NRXN1: variants seen among roughly 807,000 people sequenced by gnomAD.
NRXN1 encodes neurexin-1.
Under a neutral mutation model 150.9 loss-of-function variants are expected in NRXN1, and 39 were observed. That is an observed-to-expected ratio of 0.26 (90% CI 0.20 to 0.34). NRXN1 has a LOEUF of 0.34. NRXN1 is among the 10% of genes least tolerant of loss of function. NRXN1 has a pLI of 1.00. For missense variants in NRXN1, 1,815 were observed against 1,949.9 expected (o/e 0.93, Z 1.30); for synonymous variants, 924 against 757.0 (o/e 1.22, Z -3.62).
chr2:50,140,337 T>C (rs190414959), intron 18 of NRXN1, among the ~76,000 whole-genome samples: 140 of 152,274 alleles, frequency 9.2e-4, no homozygotes, highest in Non-Finnish European at 1.6e-3. Context: ...ATTTTCATTT[T>C]TCAGAACCTG....
chr2:50,672,961 C>G (rs1689065708), intron 5 of NRXN1, among the ~76,000 whole-genome samples: 1 of 152,026 alleles, frequency 6.6e-6, no homozygotes, highest in Non-Finnish European at 1.5e-5. Flanking sequence ...ATTCAACCAT[C>G]ATTTTGTTCT....
intron 5 of NRXN1, among the ~76,000 whole-genome samples, chr2:50,877,449 T>C (rs1478692065): frequency 6.6e-6 from 1 of 151,920 alleles, no homozygotes; most frequent in Non-Finnish European, 1.5e-5. Context: ...GCTCAAACAC[T>C]GAACTTTTTC....
intron 5 of NRXN1, among the ~76,000 whole-genome samples, chr2:50,789,099 A>G (rs558628228): frequency 6.6e-6 from 1 of 152,332 alleles, no homozygotes; most frequent in African/African-American, 2.4e-5. Context: ...AATTTCATAT[A>G]TTCCAGAATG....
chr2:50,473,498 G>C (rs1340073171), intron 15 of NRXN1, among the ~76,000 whole-genome samples: 1 of 151,922 alleles, frequency 6.6e-6, no homozygotes. Context: ...CATAAGGAAG[G>C]TGAGCTCAAA....
intron 17 of NRXN1, among the ~76,000 whole-genome samples, chr2:50,449,737 T>C (rs938238593): frequency 1.3e-5 from 2 of 152,224 alleles, no homozygotes; most frequent in African/African-American, 4.8e-5. Flanking sequence ...CATAATGATC[T>C]GTACATGTCA....
chr2:50,753,684 T>C (rs939680553), intron 5 of NRXN1, among the ~76,000 whole-genome samples: 2 of 151,898 alleles, frequency 1.3e-5, no homozygotes, highest in Non-Finnish European at 2.9e-5. Flanking sequence ...AGAAAATAAA[T>C]ACCAGAAAAG....
At chr2:50,955,596 AGT>A in intron 2 of NRXN1, among the ~76,000 whole-genome samples, 1 of 152,224 alleles carries the variant, frequency 6.6e-6, no homozygotes, top group African/African-American at 2.4e-5. Context: ...ACAGCAGAAC[AGT>A]GCCATTTTTA....
At chr2:50,189,274 C>G (rs1047309975) in intron 18 of NRXN1, among the ~76,000 whole-genome samples, 1 of 152,014 alleles carries the variant, frequency 6.6e-6, no homozygotes, top group Non-Finnish European at 1.5e-5. Flanking sequence ...GGACAGAAAA[C>G]CAAACACTCC....
At chr2:51,022,225 G>A (rs1669723720) in intron 2 of NRXN1, among the ~76,000 whole-genome samples, 1 of 152,102 alleles carries the variant, frequency 6.6e-6, no homozygotes, top group Admixed American at 6.6e-5. Context: ...TGCTTACTAT[G>A]TGCCAGGCAC....
chr2:50,172,150 C>T (rs570142375), intron 18 of NRXN1, among the ~76,000 whole-genome samples: 2 of 152,232 alleles, frequency 1.3e-5, no homozygotes, highest in South Asian at 4.1e-4. Context: ...ACAGCGCCTT[C>T]TGAAATATTG....
At chr2:50,780,880 A>C (rs1704267464) in intron 5 of NRXN1, among the ~76,000 whole-genome samples, 1 of 152,030 alleles carries the variant, frequency 6.6e-6, no homozygotes, top group Non-Finnish European at 1.5e-5. Context: ...CTCTTAATTA[A>C]TTGTAACCTC....
At chr2:50,842,415 T>C (rs141208335) in intron 5 of NRXN1, among the ~76,000 whole-genome samples, 19 of 152,296 alleles carry the variant, frequency 1.2e-4, no homozygotes, top group Admixed American at 7.8e-4. Flanking sequence ...TTACACATTG[T>C]ACAGCATTGA....
At chr2:50,694,472 C>A (rs1002470227) in intron 5 of NRXN1, among the ~76,000 whole-genome samples, 5 of 152,152 alleles carry the variant, frequency 3.3e-5, no homozygotes, top group Non-Finnish European at 5.9e-5. Context: ...TGGAATCTGT[C>A]CCTCTTTGTG....
chr2:50,913,339 T>C, intron 5 of NRXN1, among the ~76,000 whole-genome samples: 1 of 151,750 alleles, frequency 6.6e-6, no homozygotes. Context: ...CTAGCAGCAG[T>C]TTAGCCCAAT....
intron 5 of NRXN1, among the ~76,000 whole-genome samples, chr2:50,875,584 T>A: frequency 6.6e-6 from 1 of 151,936 alleles, no homozygotes; most frequent in East Asian, 2.0e-4. Flanking sequence ...TTCTACCTCA[T>A]GCCTAACCAA....
intron 5 of NRXN1, among the ~76,000 whole-genome samples, chr2:50,781,057 G>A (rs1704289988): frequency 6.6e-6 from 1 of 152,212 alleles, no homozygotes; most frequent in Non-Finnish European, 1.5e-5. Context: ...GGCCAGAGAT[G>A]AAGTTCATTA....
intron 21 of NRXN1, among the ~76,000 whole-genome samples, chr2:49,983,245 C>A (rs948313520): frequency 8.5e-5 from 13 of 152,114 alleles, no homozygotes; most frequent in African/African-American, 3.1e-4. Flanking sequence ...AAGGGATGAG[C>A]CGCTGTCCAC....
intron 2 of NRXN1, among the ~76,000 whole-genome samples, chr2:50,967,759 A>T (rs938655859): frequency 6.6e-6 from 1 of 151,928 alleles, no homozygotes; most frequent in African/African-American, 2.4e-5. Flanking sequence ...TGCATTTTGC[A>T]CTTTTACCTC....
At chr2:49,928,575 C>T (rs1161889180) in intron 22 of NRXN1, among the ~76,000 whole-genome samples, 5 of 151,998 alleles carry the variant, frequency 3.3e-5, no homozygotes, top group African/African-American at 1.2e-4. Flanking sequence ...ATTGTAGCCT[C>T]CTGGGGTGTT....
Sources: allele counts gnomAD v4.1 joint callset (sites outside exome capture counted in the v4.1 genomes callset), GRCh38; gene constraint gnomAD v4.1.1; transcripts MANE v1.5; gene names NCBI Gene and HGNC (gene_info 2026-07-23, HGNC 2026-07-21).